SERPINI2: variants seen among roughly 807,000 people sequenced by gnomAD.
The protein encoded by SERPINI2 is serpin family I member 2, also known as serpin I2.
In SERPINI2, 48 loss-of-function variants were observed where a neutral mutation model predicts 47.3. That is an observed-to-expected ratio of 1.02 (90% CI 0.81 to 1.29). SERPINI2 has a LOEUF of 1.29. Among genes scored for constraint, SERPINI2 ranks in the 50% most tolerant of loss-of-function variants. SERPINI2 has a pLI of 0.00. For missense variants in SERPINI2, 448 were observed against 456.9 expected, an observed-to-expected ratio of 0.98 and a Z score of 0.18; for synonymous variants, 135 against 149.3, an observed-to-expected ratio of 0.90 and a Z score of 0.70.
In SERPINI2 at chr3:167,465,149, C is replaced by G. The variant is rs1341493032; in HGVS notation, c.866+57G>C. 2.8e-6 allele frequency: 4 copies of G among 1,442,622 alleles called. No homozygotes were observed. In the African/African-American group the frequency reaches 4.3e-5, roughly 16 times the overall value. The allele number at this position is 1,442,622 out of a possible 1,614,324, so 89.4% of individuals were successfully genotyped here. A position where few individuals can be genotyped will look rare whatever the true frequency, so the allele number is the denominator to read the frequency against. ...ATTTGTTACCTTTCAGCTGACTGCTCAAATTCCTATGTGAGTGGAAACGTA... is the reference window on the plus strand; with the variant it reads ...ATTTGTTACCTTTCAGCTGACTGCTGAAATTCCTATGTGAGTGGAAACGTA... On this transcript the variant is annotated intron_variant, in intron 5 of 8. Transcript: ENST00000264677.
At chr3:167,443,268 T>C (rs886266260) in intron 8 of SERPINI2, among the ~76,000 whole-genome samples, 10 of 152,144 alleles carry the variant, frequency 6.6e-5, no homozygotes, top group South Asian at 4.2e-4. Context: ...CCACCACGCC[T>C]GGCTAATTTT....
intron 5 of SERPINI2, among the ~76,000 whole-genome samples, chr3:167,459,137 G>T (rs994223589): frequency 6.7e-6 from 1 of 150,250 alleles, no homozygotes; most frequent in African/African-American, 2.4e-5. Flanking sequence ...TGCAGTGGCG[G>T]GATCTCGGCT....
intron 2 of SERPINI2, among the ~76,000 whole-genome samples, chr3:167,470,038 C>G (rs1020218399): frequency 6.6e-6 from 1 of 151,676 alleles, no homozygotes; most frequent in African/African-American, 2.4e-5. Context: ...ACAATTCACA[C>G]CTGTTAAAAC....
chr3:167,447,718 G>A (rs1330188876), intron 7 of SERPINI2, among the ~76,000 whole-genome samples: 3 of 152,118 alleles, frequency 2.0e-5, no homozygotes, highest in Admixed American at 2.0e-4. Context: ...TAATCTATAA[G>A]GACTCTCTCA....
intron 6 of SERPINI2, among the ~76,000 whole-genome samples, chr3:167,452,528 A>T (rs1261902095): frequency 6.6e-6 from 1 of 152,186 alleles, no homozygotes; most frequent in African/African-American, 2.4e-5. Context: ...ATGGATGACT[A>T]TTTCATGTGT....
At chr3:167,448,166 C>T (rs1324931152) in intron 7 of SERPINI2, among the ~76,000 whole-genome samples, 2 of 152,156 alleles carry the variant, frequency 1.3e-5, no homozygotes, top group Non-Finnish European at 2.9e-5. Context: ...AGCACAGATG[C>T]TATTTAAAAT....
chr3:167,452,894 A>G, intron 6 of SERPINI2, 42 bp downstream of exon 6: 3 of 1,319,000 alleles, frequency 2.3e-6, no homozygotes, highest in Non-Finnish European at 3.2e-6. Context: ...GTCCTAACAA[A>G]ACAAATTAAC....
intron 5 of SERPINI2, among the ~76,000 whole-genome samples, chr3:167,455,532 G>C (rs368987089): frequency 4.6e-5 from 7 of 150,600 alleles, no homozygotes; most frequent in African/African-American, 1.7e-4. Flanking sequence ...TGGTACAGTG[G>C]GCTTGAATCA....
chr3:167,465,512 G>A (rs1179630854), exon 4 of SERPINI2: 1 of 1,613,748 alleles, frequency 6.2e-7, no homozygotes, highest in Non-Finnish European at 8.5e-7. Context: ...TTCATCATTG[G>A]AATTTTGACA....
At chr3:167,475,057 G>A (rs987855474), upstream of SERPINI2, among the ~76,000 whole-genome samples, 2 of 151,506 alleles carry the variant, frequency 1.3e-5, no homozygotes, top group African/African-American at 4.8e-5. Context: ...TTAAAAATAG[G>A]CCTGAGAATA....
At chr3:167,449,588 A>T (rs1023110253) in intron 6 of SERPINI2, among the ~76,000 whole-genome samples, 186 bp from the exon 7 acceptor site, 2 of 152,054 alleles carry the variant, frequency 1.3e-5, no homozygotes, top group Non-Finnish European at 2.9e-5. Context: ...TCTGCCTCCC[A>T]GATTCAAACG....
chr3:167,471,733 A>C lies in SERPINI2; in HGVS notation c.102T>G (p.Tyr34Ter). Residue 34 changes from tyrosine (Y) to a stop codon, truncating the protein, a stop_gained, in exon 2 of 9, where the codon TAT becomes TAG. Transcript: ENST00000264677. LOFTEE classifies it high-confidence loss of function. Reference sequence around the variant, plus strand: ...CCTTATGAGATAAGGAAACCTCTTGATAAAGATCCACTGCAAATTCGGTAT... The same window carrying C: ...CCTTATGAGATAAGGAAACCTCTTGCTAAAGATCCACTGCAAATTCGGTAT... 1 of 1,613,710 alleles carries C rather than the reference A, an allele frequency of 6.2e-7. No individual in the cohort carries two copies. Among genetic ancestry groups the C allele is most frequent in the Non-Finnish European group, 8.5e-7 (1 of 1,179,786 alleles).
chr3:167,442,475 TG>T (rs1306077420), intron 8 of SERPINI2, among the ~76,000 whole-genome samples: 1 of 152,160 alleles, frequency 6.6e-6, no homozygotes, highest in Non-Finnish European at 1.5e-5. Flanking sequence ...GACAGAGAGG[TG>T]TTCTTCTAAA....
In SERPINI2 at chr3:167,449,408, T is replaced by TAAA; in HGVS notation, c.965-9_965-7dup. The TAAA allele has an allele frequency of 6.6e-7, 1 of 1,524,716 alleles. No individual in the cohort carries two copies. The allele number at this position is 1,524,716 out of a possible 1,614,324, so 94.4% of individuals were successfully genotyped here. A position where few individuals can be genotyped will look rare whatever the true frequency, so the allele number is the denominator to read the frequency against. ...AACATACACTTCAGATGAATCTGGT[T>TAAA]AAAAAAAAATACACAAAAGTGTATT... On this transcript the variant is annotated splice_polypyrimidine_tract_variant and splice_region_variant and intron_variant, in intron 6 of 8. Coordinates refer to ENST00000264677, the Ensembl canonical transcript of SERPINI2.
chr3:167,448,324 A>C (rs1404237992), intron 7 of SERPINI2, among the ~76,000 whole-genome samples: 2 of 152,182 alleles, frequency 1.3e-5, no homozygotes, highest in South Asian at 2.1e-4. Context: ...ACGAGTTCCC[A>C]AGTGGTGCTG....
At chr3:167,444,517 A>G (rs1749417052) in intron 8 of SERPINI2, among the ~76,000 whole-genome samples, 1 of 152,192 alleles carries the variant, frequency 6.6e-6, no homozygotes, top group Non-Finnish European at 1.5e-5. Flanking sequence ...ATAGTTCACT[A>G]TGGTGATGCT....
chr3:167,448,704 A>G (rs1468438651), intron 7 of SERPINI2, among the ~76,000 whole-genome samples: 1 of 152,114 alleles, frequency 6.6e-6, no homozygotes, highest in African/African-American at 2.4e-5. Context: ...TTGTATTTTT[A>G]GTAGAGACGG....
intron 5 of SERPINI2, among the ~76,000 whole-genome samples, chr3:167,459,560 C>T (rs963317191): frequency 2.6e-5 from 4 of 151,724 alleles, no homozygotes; most frequent in African/African-American, 9.7e-5. Flanking sequence ...GGCCTCAATT[C>T]TAAACTAGAT....
intron 8 of SERPINI2, among the ~76,000 whole-genome samples, chr3:167,444,483 T>C (rs1376680300): frequency 1.3e-5 from 2 of 152,146 alleles, no homozygotes; most frequent in East Asian, 3.8e-4. Context: ...AGAATACACT[T>C]TATGTATACC....
Sources: gnomAD v4.1 joint callset for allele counts (sites outside exome capture counted in the v4.1 genomes callset) on GRCh38, gnomAD v4.1.1 for gene constraint, MANE v1.5 for transcripts, NCBI Gene and HGNC (gene_info 2026-07-23, HGNC 2026-07-21) for gene names.